The following PPM1H variants were observed in gnomAD, a reference collection of about 807,000 sequenced individuals.
PPM1H encodes the protein protein phosphatase, Mg2+/Mn2+ dependent 1H.
PPM1H carries 27 observed loss-of-function variants against 54.9 expected under a neutral mutation model. The observed-to-expected ratio is 0.49, with a 90% CI of 0.36 to 0.68. The LOEUF (loss-of-function observed/expected upper bound fraction) is 0.68. Among genes scored for constraint, PPM1H ranks in the 30% least tolerant of loss-of-function variants. PPM1H has a pLI of 0.00. For synonymous variants in PPM1H, 305 were observed against 270.8 expected, an observed-to-expected ratio of 1.13 and a Z score of -1.24; for missense variants, 596 against 667.8, an observed-to-expected ratio of 0.89 and a Z score of 1.19.
intron 1 of PPM1H, among the ~76,000 whole-genome samples, chr12:62,910,799 A>G (rs1871435225): frequency 6.6e-6 from 1 of 152,178 alleles, no homozygotes; most frequent in African/African-American, 2.4e-5. Context: ...GAATCAGACC[A>G]AGCCATTGGA....
intron 6 of PPM1H, among the ~76,000 whole-genome samples, chr12:62,702,710 G>A (rs1167674428): frequency 6.6e-6 from 1 of 152,238 alleles, no homozygotes; most frequent in Non-Finnish European, 1.5e-5. Flanking sequence ...TTCGGGGACA[G>A]CATAATCTCA....
At chr12:62,853,794 T>C (rs987380216) in intron 1 of PPM1H, among the ~76,000 whole-genome samples, 1 of 152,244 alleles carries the variant, frequency 6.6e-6, no homozygotes, top group East Asian at 1.9e-4. Flanking sequence ...CTCCTTTCTA[T>C]TGTCTGTCTT....
chr12:62,737,459 T>G, intron 5 of PPM1H, 43 bp downstream of exon 5: 1 of 1,375,880 alleles, frequency 7.3e-7, no homozygotes, highest in Non-Finnish European at 1.0e-6. Context: ...TCCGATGCCA[T>G]CCCTGATGCC....
intron 8 of PPM1H, 27 bp from the exon 9 acceptor site, chr12:62,667,356 T>G (rs1170837181): frequency 6.6e-7 from 1 of 1,514,592 alleles, no homozygotes; most frequent in Non-Finnish European, 8.9e-7. Context: ...ATACTACCAC[T>G]TAAGAAATTG....
chr12:62,917,294 C>T (rs1408634602), intron 1 of PPM1H, among the ~76,000 whole-genome samples: 1 of 152,204 alleles, frequency 6.6e-6, no homozygotes, highest in Non-Finnish European at 1.5e-5. Flanking sequence ...ATTCTGACAG[C>T]CATGTAGATG....
intron 6 of PPM1H, among the ~76,000 whole-genome samples, chr12:62,710,284 C>A (rs2076199701): frequency 6.6e-6 from 1 of 152,146 alleles, no homozygotes; most frequent in African/African-American, 2.4e-5. Flanking sequence ...GTAATCCCAG[C>A]ACTTTGGGAG....
At chr12:62,791,514 G>A (rs1238418440) in intron 3 of PPM1H, among the ~76,000 whole-genome samples, 1 of 152,218 alleles carries the variant, frequency 6.6e-6, no homozygotes, top group Non-Finnish European at 1.5e-5. Flanking sequence ...TTGATAAAGA[G>A]TCTGCATCCA....
At chr12:62,664,040 A>G (rs530097729) in intron 9 of PPM1H, among the ~76,000 whole-genome samples, 1 of 151,942 alleles carries the variant, frequency 6.6e-6, no homozygotes, top group African/African-American at 2.4e-5. Flanking sequence ...CGAAGAATAT[A>G]GACCGAACTA....
Position 62,856,966 on chromosome 12 carries a change from C to T in PPM1H, c.246-24687G>A, listed in dbSNP as rs189623713. Among the ~76,000 whole-genome samples, 506 of 152,200 alleles carry T rather than the reference C, an allele frequency of 3.3e-3. 5 individuals are homozygous for T. The highest frequency in any genetic ancestry group is 0.011 in the African/African-American group (476 of 41,528). ...CTAGCTATGCTAGGATATTAATTTA[C>T]CTAAGAATTGTCTTTTCTTAAATTG... On this transcript the variant is annotated intron_variant, in intron 1 of 9. Coordinates refer to ENST00000228705, the MANE Select transcript of PPM1H (RefSeq NM_020700.2).
chr12:62,648,563 T>G lies in PPM1H; in HGVS notation c.1471A>C (p.Asn491His). 6.2e-7 allele frequency: 1 copy of G among 1,613,938 alleles called. No homozygotes were observed. Residue 491 changes from asparagine to histidine, a missense_variant, in exon 10 of 10, where the codon AAT (asparagine) becomes CAT (histidine). Coordinates refer to ENST00000228705, the MANE Select transcript of PPM1H (RefSeq NM_020700.2). ...TCGTCTCCTGAGCCCAGTCGGTCAT[T>G]AGATATCCGCCATCCTCTGTCCTTC... ...VLKDRGWRIS[N>H]DRLGSGDDIS...
intron 1 of PPM1H, among the ~76,000 whole-genome samples, chr12:62,907,681 CTGTG>C (rs1348333457): frequency 6.6e-6 from 1 of 152,192 alleles, no homozygotes; most frequent in Admixed American, 6.5e-5. Context: ...CAATAGTGCT[CTGTG>C]TGACCTGGAG....
chr12:62,927,388 G>A (rs1003266519), intron 1 of PPM1H, among the ~76,000 whole-genome samples: 11 of 152,142 alleles, frequency 7.2e-5, no homozygotes, highest in African/African-American at 1.2e-4. Context: ...GGCCGGGTGC[G>A]GTGGCTCACG....
chr12:62,766,471 G>A (rs1394364930), intron 4 of PPM1H, among the ~76,000 whole-genome samples: 1 of 152,076 alleles, frequency 6.6e-6, no homozygotes, highest in Non-Finnish European at 1.5e-5. Context: ...TATTAGAAGT[G>A]GGTCACAAAT....
chr12:62,761,358 C>A (rs342142), intron 4 of PPM1H, among the ~76,000 whole-genome samples: 122,358 of 152,120 alleles, frequency 0.8, 49,618 homozygotes, highest in African/African-American at 0.92. Flanking sequence ...CCCTGGGGGG[C>A]AAATGGGATT....
At chr12:62,663,260 T>C (rs1001110217) in intron 9 of PPM1H, among the ~76,000 whole-genome samples, 4 of 152,172 alleles carry the variant, frequency 2.6e-5, no homozygotes, top group African/African-American at 9.7e-5. Flanking sequence ...GCATGGTTTG[T>C]TAAAACACAA....
At chr12:62,818,144 C>T (rs1427473545) in intron 2 of PPM1H, among the ~76,000 whole-genome samples, 2 of 152,160 alleles carry the variant, frequency 1.3e-5, no homozygotes, top group East Asian at 3.9e-4. Flanking sequence ...CTAAATATTT[C>T]CCACCCACGC....
At chr12:62,695,414 A>T (rs1285766046) in intron 6 of PPM1H, among the ~76,000 whole-genome samples, 1 of 152,178 alleles carries the variant, frequency 6.6e-6, no homozygotes, top group Admixed American at 6.5e-5. Flanking sequence ...AGGGAAATGA[A>T]TGTGGAGAGC....
chr12:62,860,638 G>A (rs1362793830), intron 1 of PPM1H, among the ~76,000 whole-genome samples: 1 of 152,146 alleles, frequency 6.6e-6, no homozygotes, highest in African/African-American at 2.4e-5. Context: ...CCCTGATTAT[G>A]ACGTACTGAA....
At chr12:62,705,351 G>C (rs2076167098) in intron 6 of PPM1H, among the ~76,000 whole-genome samples, 1 of 152,152 alleles carries the variant, frequency 6.6e-6, no homozygotes, top group South Asian at 2.1e-4. Flanking sequence ...AAAAACAATG[G>C]GTTCTATTGG....
Sources: gnomAD v4.1 joint callset for allele counts (sites outside exome capture counted in the v4.1 genomes callset) on GRCh38, gnomAD v4.1.1 for gene constraint, MANE v1.5 for transcripts, NCBI Gene and HGNC (gene_info 2026-07-23, HGNC 2026-07-21) for gene names.